Variants in DOCK8 observed in about 807,000 individuals in gnomAD.
DOCK8 encodes dedicator of cytokinesis protein 8.
Under a neutral mutation model 245.6 loss-of-function variants are expected in DOCK8, and 141 were observed. That is an observed-to-expected ratio of 0.57 (90% CI 0.50 to 0.66). The LOEUF is 0.66. Among genes scored for constraint, DOCK8 ranks in the 30% least tolerant of loss-of-function variants. The probability of loss-of-function intolerance (pLI) is 0.00; values close to 1 mark genes in which losing one functional copy is unlikely to be tolerated. For missense variants in DOCK8, 2,965 were observed against 2,603.4 expected, an observed-to-expected ratio of 1.14 and a Z score of -3.02; for synonymous variants, 1,168 against 970.2, an observed-to-expected ratio of 1.20 and a Z score of -3.79.
At chr9:309,910 G>C (rs903366310) in intron 5 of DOCK8, among the ~76,000 whole-genome samples, 4 of 152,136 alleles carry the variant, frequency 2.6e-5, no homozygotes, top group Admixed American at 1.3e-4. Flanking sequence ...ATTTATTTGT[G>C]AATGAATGAA....
intron 36 of DOCK8, 45 bp from the exon 37 acceptor site, chr9:432,119 AGT>A: frequency 6.3e-7 from 1 of 1,597,704 alleles, no homozygotes. Flanking sequence ...TCTACTGCTA[AGT>A]GTGTCTTATT....
chr9:268,450 T>A (rs1397269496), intron 1 of DOCK8, among the ~76,000 whole-genome samples: 1 of 152,208 alleles, frequency 6.6e-6, no homozygotes, highest in African/African-American at 2.4e-5. Flanking sequence ...GATTTCATGA[T>A]GACAAAAATA....
chr9:457,373 A>G (rs1202292159), intron 46 of DOCK8, among the ~76,000 whole-genome samples: 1 of 152,246 alleles, frequency 6.6e-6, no homozygotes, highest in Non-Finnish European at 1.5e-5. Context: ...GTGACAGAAT[A>G]AAATGAGTTA....
rs1303740079 is a variant in DOCK8, at chr9:446,429, G to A, written c.5640G>A (p.Arg1880=). ...TTGATGAGTATGAGATGAAAGACAG[G>A]GTCACATACTTTGAGAAGAATTTCA... is the stretch of plus-strand genomic sequence containing the variant. The part of the protein sequence containing the change: ...PYFDEYEMKD[R]VTYFEKNFNL... Residue 1880 remains arginine (R), a synonymous_variant, in exon 44 of 48, where the codon AGG becomes AGA. Transcript: ENST00000432829. The A allele has an allele frequency of 3.1e-6, 5 of 1,614,116 alleles. No individual in the cohort carries two copies. The highest frequency in any genetic ancestry group is 4.2e-6 in the Non-Finnish European group (5 of 1,180,026).
intron 6 of DOCK8, chr9:312,439 C>A (rs2050168744): frequency 1.7e-6 from 1 of 571,494 alleles, no homozygotes; most frequent in East Asian, 4.0e-5. Flanking sequence ...ATTTAATCCC[C>A]AAATGTTTCA....
intron 14 of DOCK8, among the ~76,000 whole-genome samples, chr9:367,565 G>A (rs1018729649): frequency 2.6e-5 from 4 of 152,266 alleles, no homozygotes; most frequent in Non-Finnish European, 5.9e-5. Flanking sequence ...AGAACAGAAA[G>A]CTAAGCCAAT....
intron 7 of DOCK8, among the ~76,000 whole-genome samples, chr9:325,362 A>G (rs998699184): frequency 2.6e-5 from 4 of 152,204 alleles, no homozygotes; most frequent in Non-Finnish European, 5.9e-5. Context: ...TACAATAAGA[A>G]GGTGAATCAC....
At chr9:253,650 G>A (rs2047701990) in intron 1 of DOCK8, among the ~76,000 whole-genome samples, 1 of 152,172 alleles carries the variant, frequency 6.6e-6, no homozygotes, top group South Asian at 2.1e-4. Context: ...CTCTTCTTGT[G>A]GGGAATACCT....
In DOCK8 at chr9:274,467, TTTTTTTTTC is replaced by T. The variant is rs1270027939; in HGVS notation, c.156+2743_156+2751del. On this transcript the variant is annotated intron_variant, in intron 2 of 47. Coordinates refer to ENST00000432829, the MANE Select transcript of DOCK8 (RefSeq NM_203447.4). ...GTGGAAGCCCAGAGGATTGAATTCT[TTTTTTTTTC>T]TTTTCTTTCTTTTCTTTTTTTTTTT... 5.4e-5 allele frequency among the ~76,000 whole-genome samples: 8 copies of T among 148,400 alleles called. No homozygotes were observed. In the Admixed American group the frequency reaches 5.6e-4, roughly 10 times the overall value.
rs182414325 is a variant in DOCK8 at position 216,482 on chromosome 9, A to G, written c.53+1453A>G. 2.4e-3 allele frequency among the ~76,000 whole-genome samples: 346 copies of G among 145,364 alleles called. 4 individuals carry two copies. The East Asian group carries it at 0.034, about 14-fold the overall frequency. On this transcript the variant is annotated intron_variant, in intron 1 of 47. Coordinates refer to ENST00000432829, the MANE Select transcript of DOCK8 (RefSeq NM_203447.4). ...GCCCAGGAGGATCACAGCTGTGATC[A>G]TGCCACTGCATTCCAGCCTGGGTGA...
At position 328,218 on chromosome 9, in the gene DOCK8, G is replaced by T. The variant is rs776219027; in HGVS notation, c.1044+47G>T. On this transcript the variant is annotated intron_variant, in intron 9 of 47. Transcript: ENST00000432829. Reference sequence around the variant, plus strand: ...TGCCCAATCTGATGTTTTCATTGCTGTGTTGTTCCCAGCACATGTTTGGGG... The same window carrying T: ...TGCCCAATCTGATGTTTTCATTGCTTTGTTGTTCCCAGCACATGTTTGGGG... 1.9e-6 allele frequency: 3 copies of T among 1,583,582 alleles called. No homozygotes were observed. In the Admixed American group the frequency reaches 5.4e-5, roughly 29 times the overall value.
At chr9:434,998 C>G (rs747843609) in intron 39 of DOCK8, 23 bp downstream of exon 39, 6 of 1,610,534 alleles carry the variant, frequency 3.7e-6, no homozygotes, top group Non-Finnish European at 5.1e-6. Flanking sequence ...CAGCTTTTCC[C>G]TTAGAGCAGT....
In DOCK8 at chr9:244,807, G is replaced by A. The variant is rs141934315; in HGVS notation, c.54-26820G>A. Among the ~76,000 whole-genome samples, 1,014 of 152,250 alleles carry A rather than the reference G, an allele frequency of 6.7e-3. 10 individuals are homozygous for A. Among genetic ancestry groups the A allele is most frequent in the African/African-American group, 0.022 (932 of 41,536 alleles). ...GGAGGTGCTTCCCACCATAGCTCGT[G>A]AAGGCCCTATTGGTGTTTTCTTCCT... On this transcript the variant is annotated intron_variant, in intron 1 of 47. Coordinates refer to ENST00000432829, the MANE Select transcript of DOCK8 (RefSeq NM_203447.4).
chr9:258,244 C>A (rs936594880), intron 1 of DOCK8, among the ~76,000 whole-genome samples: 1 of 152,238 alleles, frequency 6.6e-6, no homozygotes, highest in African/African-American at 2.4e-5. Flanking sequence ...TTACTGAAGT[C>A]ACGTCACTAA....
Position 399,229 on chromosome 9 carries a change from G to C in DOCK8, c.3204G>C (p.Val1068=), listed in dbSNP as rs549039701. The change falls in exon 26 of 48, where the codon GTG becomes GTC. Residue 1068 remains valine, a synonymous_variant. Transcript: ENST00000432829. ...DLLSLMDRGF[V]FNLIRHYCSQ... ...TCTCCCTCATGGATCGGGGCTTTGT[G>C]TTTAACCTCATCAGACATTATTGCA... 1 of 1,613,858 alleles carries C rather than the reference G, an allele frequency of 6.2e-7. No homozygotes were observed. The highest frequency in any genetic ancestry group is 1.3e-5 in the African/African-American group (1 of 75,018).
chr9:363,098 T>C lies in DOCK8; in HGVS notation c.1680-4920T>C, dbSNP rs113873665. ...TTGGAGTTTCCAAAATAGTTTGTAA[T>C]CAAGAAAAGCCATCTGAGGAGGCCC... On this transcript the variant is annotated intron_variant, in intron 14 of 47. Coordinates refer to ENST00000432829, the MANE Select transcript of DOCK8 (RefSeq NM_203447.4). 7.1e-3 allele frequency among the ~76,000 whole-genome samples: 1,085 copies of C among 152,274 alleles called. 10 individuals carry two copies. The highest frequency in any genetic ancestry group is 0.025 in the African/African-American group (1,042 of 41,536).
intron 1 of DOCK8, among the ~76,000 whole-genome samples, chr9:243,166 T>C (rs2047418215): frequency 6.6e-6 from 1 of 152,116 alleles, no homozygotes; most frequent in South Asian, 2.1e-4. Context: ...CTTAATCAAC[T>C]CAGTGGTATA....
intron 1 of DOCK8, among the ~76,000 whole-genome samples, chr9:241,139 A>G (rs551902590): frequency 8.6e-4 from 131 of 152,298 alleles, no homozygotes; most frequent in African/African-American, 2.5e-3. Flanking sequence ...ATGGTGGTAC[A>G]TAGTGATGTT....
At chr9:397,643 T>C (rs557820543) in intron 25 of DOCK8, among the ~76,000 whole-genome samples, 3 of 152,126 alleles carry the variant, frequency 2.0e-5, no homozygotes, top group African/African-American at 7.2e-5. Flanking sequence ...TGAGCCGAGA[T>C]GGTACCACAG....
Sources: allele counts gnomAD v4.1 joint callset (sites outside exome capture counted in the v4.1 genomes callset), GRCh38; gene constraint gnomAD v4.1.1; transcripts MANE v1.5; gene names NCBI Gene and HGNC (gene_info 2026-07-23, HGNC 2026-07-21).